Variants in ZNF536 observed in about 807,000 individuals in gnomAD.
The protein encoded by ZNF536 is zinc finger protein 536.
Under a neutral mutation model 84.5 loss-of-function variants are expected in ZNF536, and 13 were observed. The observed-to-expected ratio is 0.15, with a 90% CI of 0.10 to 0.24. The LOEUF (loss-of-function observed/expected upper bound fraction) is 0.24. Ranked by LOEUF, ZNF536 falls within the 10% of genes least tolerant of loss-of-function variation. ZNF536 has a pLI of 1.00. For missense variants in ZNF536, 1,536 were observed against 1,747.5 expected, an observed-to-expected ratio of 0.88 and a Z score of 2.16; for synonymous variants, 811 against 742.5, an observed-to-expected ratio of 1.09 and a Z score of -1.50.
chr19:30,388,251 C>T (rs1441536547), intron 1 of ZNF536, among the ~76,000 whole-genome samples: 2 of 152,152 alleles, frequency 1.3e-5, no homozygotes, highest in African/African-American at 4.8e-5. Context: ...GGACCTCGGT[C>T]AAAGTATCCG....
chr19:30,710,077 T>C (rs554564992), intron 1 of ZNF536, among the ~76,000 whole-genome samples: 1 of 152,344 alleles, frequency 6.6e-6, no homozygotes, highest in African/African-American at 2.4e-5. Context: ...ATTTCATCAA[T>C]AAAAAGTTGA....
intron 2 of ZNF536, among the ~76,000 whole-genome samples, chr19:30,455,223 T>A (rs78464309): frequency 1.3e-5 from 2 of 152,196 alleles, no homozygotes; most frequent in East Asian, 3.8e-4. Context: ...ATAAAAAAAA[T>A]TAAATGTGTA....
At chr19:30,596,759 A>AGT (rs113016309) in intron 1 of ZNF536, among the ~76,000 whole-genome samples, 5,345 of 149,236 alleles carry the variant, frequency 0.036, 221 homozygotes, top group African/African-American at 0.1. Context: ...TTTTTTTGCG[A>AGT]GTGTGTGTGT....
intron 2 of ZNF536, among the ~76,000 whole-genome samples, chr19:30,459,243 T>A (rs1261411552): frequency 2.6e-5 from 4 of 152,072 alleles, no homozygotes; most frequent in African/African-American, 9.7e-5. Flanking sequence ...TTCATTTTTT[T>A]TTTTTTTACC....
intron 2 of ZNF536, among the ~76,000 whole-genome samples, chr19:30,497,151 G>A (rs969957875): frequency 1.3e-4 from 20 of 152,156 alleles, no homozygotes; most frequent in Non-Finnish European, 2.9e-5. Context: ...AATGCCCATC[G>A]GCTGTGGGTG....
At chr19:30,305,693 T>C (rs1015425764) in intron 2 of ZNF536, among the ~76,000 whole-genome samples, 61 of 152,238 alleles carry the variant, frequency 4.0e-4, no homozygotes, top group African/African-American at 1.3e-3. Flanking sequence ...GATCTGGGTT[T>C]GGGGTTTGGG....
chr19:30,561,702 T>C (rs1444499439), downstream of ZNF536, among the ~76,000 whole-genome samples: 29 of 152,168 alleles, frequency 1.9e-4, no homozygotes, highest in Non-Finnish European at 1.5e-5. Flanking sequence ...TCTTCAAGGA[T>C]TGAAGGAGCC....
At chr19:30,320,962 C>T (rs888542420) in intron 2 of ZNF536, among the ~76,000 whole-genome samples, 8 of 152,110 alleles carry the variant, frequency 5.3e-5, no homozygotes, top group African/African-American at 1.7e-4. Context: ...GGGAGTGCAG[C>T]GACAAACACA....
chr19:30,625,647 C>T (rs974357069), intron 1 of ZNF536, among the ~76,000 whole-genome samples: 3 of 152,196 alleles, frequency 2.0e-5, no homozygotes, highest in African/African-American at 7.2e-5. Flanking sequence ...AAACAAGAGG[C>T]AAAATTATCT....
At chr19:30,394,458 C>T (rs2147385315) in intron 1 of ZNF536, among the ~76,000 whole-genome samples, 1 of 152,308 alleles carries the variant, frequency 6.6e-6, no homozygotes, top group Non-Finnish European at 1.5e-5. Flanking sequence ...CAGCTACCCT[C>T]CTACCCCACA....
rs942610544 is a variant in ZNF536 at position 30,381,791 on chromosome 19, C to T, written c.-3+9235C>T. Among the ~76,000 whole-genome samples, 7 of 152,096 alleles carry T rather than the reference C, an allele frequency of 4.6e-5. No individual in the cohort carries two copies. The South Asian group carries it at 6.2e-4, about 14-fold the overall frequency. On this transcript the variant is annotated intron_variant, in intron 1 of 4. Transcript: ENST00000355537. ...CAGGGGACAGTGCAAGGGACAGAAG[C>T]GTTCAGAGTCTGCAGGGAGGTGGAG...
chr19:30,384,098 C>CTCTTTCTTTCTTTCTT lies in ZNF536; in HGVS notation c.-3+11593_-3+11608dup, dbSNP rs749685060. On this transcript the variant is annotated intron_variant, in intron 1 of 4. Coordinates refer to ENST00000355537, the MANE Select transcript of ZNF536 (RefSeq NM_014717.3). The stretch of plus-strand genomic sequence containing the variant: ...CCTCTCTTCTTCTGCCCACCTCTTT[C>CTCTTTCTTTCTTTCTT]TCTTTCTTTCTTTCTTTCTTTCTTT... 2.3e-4 allele frequency among the ~76,000 whole-genome samples: 20 copies of CTCTTTCTTTCTTTCTT among 86,566 alleles called. 1 individual carries two copies. Among genetic ancestry groups the CTCTTTCTTTCTTTCTT allele is most frequent in the East Asian group, 1.2e-3 (3 of 2,590 alleles). 56.8% of individuals were successfully genotyped at this position (86,566 alleles called of 152,430 possible).
Position 30,686,405 on chromosome 19 carries a change from T to A in ZNF536, c.170-24352T>A, listed in dbSNP as rs527633726. Among the ~76,000 whole-genome samples the A allele has an allele frequency of 5.3e-5, 8 of 152,344 alleles. No individual in the cohort carries two copies. In the East Asian group the frequency reaches 1.5e-3, roughly 29 times the overall value. ...CAGATGGAGCCGCGGGCATCCCCGT[T>A]GTGTGTCCCCCACCCTGTGAGTGTG... On this transcript the variant is annotated intron_variant, in intron 1 of 1. Coordinates refer to the ZNF536 transcript ENST00000592773.
chr19:30,538,754 A>G (rs554542592), intron 3 of ZNF536, among the ~76,000 whole-genome samples: 1 of 152,304 alleles, frequency 6.6e-6, no homozygotes, highest in African/African-American at 2.4e-5. Context: ...TTCTCTCCTC[A>G]TGGAGACATT....
intron 1 of ZNF536, among the ~76,000 whole-genome samples, chr19:30,438,982 C>A (rs1232961680): frequency 6.6e-6 from 1 of 152,122 alleles, no homozygotes; most frequent in East Asian, 1.9e-4. Context: ...CAGGTCTTAT[C>A]GTTTGCAGGC....
At chr19:30,482,139 G>A (rs2054115977) in intron 2 of ZNF536, among the ~76,000 whole-genome samples, 1 of 152,200 alleles carries the variant, frequency 6.6e-6, no homozygotes, top group Admixed American at 6.5e-5. Flanking sequence ...GAATGTGTGT[G>A]TGTGTGTGTA....
At chr19:30,583,064 T>C (rs2046980983) in intron 1 of ZNF536, among the ~76,000 whole-genome samples, 1 of 152,162 alleles carries the variant, frequency 6.6e-6, no homozygotes, top group Non-Finnish European at 1.5e-5. Flanking sequence ...GTCTGGCCTC[T>C]CACTAGCTCC....
intron 1 of ZNF536, among the ~76,000 whole-genome samples, chr19:30,694,973 T>G (rs1209049914): frequency 2.6e-5 from 4 of 152,226 alleles, no homozygotes; most frequent in African/African-American, 9.6e-5. Context: ...AATGCAGAGC[T>G]ACCCAGTATG....
At chr19:30,704,467 T>A (rs2052133963) in intron 1 of ZNF536, among the ~76,000 whole-genome samples, 1 of 151,810 alleles carries the variant, frequency 6.6e-6, no homozygotes, top group Non-Finnish European at 1.5e-5. Flanking sequence ...ACCAACCTGG[T>A]GAAACCCCAC....
Sources: allele counts gnomAD v4.1 joint callset (sites outside exome capture counted in the v4.1 genomes callset), GRCh38; gene constraint gnomAD v4.1.1; transcripts MANE v1.5; gene names NCBI Gene and HGNC (gene_info 2026-07-23, HGNC 2026-07-21).